The following OR52E2 variants were observed in gnomAD, a reference collection of about 807,000 sequenced individuals.
OR52E2 encodes the protein olfactory receptor family 52 subfamily E member 2, also known as olfactory receptor 52E2.
For missense variants in OR52E2, 443 were observed against 403.9 expected (o/e 1.10, Z -0.83); for synonymous variants, 130 against 143.9 (o/e 0.90, Z 0.69).
In OR52E2 at chr11:5,058,837, C is replaced by A. The variant is rs201289601; in HGVS notation, c.791G>T (p.Arg264Leu). 7 of 1,578,254 alleles carry A rather than the reference C, an allele frequency of 4.4e-6. No individual in the cohort carries two copies. The highest frequency in any genetic ancestry group is 1.2e-5 in the South Asian group (1 of 84,782). The change falls in exon 1 of 1, where the codon CGC becomes CTC. Residue 264 changes from arginine to leucine, a missense_variant. Physicochemically the swap from Arg to Leu is moderately radical, Grantham distance 102. Coordinates refer to ENST00000321522, the MANE Select transcript of OR52E2 (RefSeq NM_001005164.2). ...ATAGCGGGGCACATTTCGGCCAAAG[C>A]GATGAGTCATAAAGGAAAAGAGGGC... ...TPALFSFMTHRFGRNVPRYIH... is the reference protein window; with the variant it reads ...TPALFSFMTHLFGRNVPRYIH...
chr11:5,059,499 C>G lies in OR52E2; in HGVS notation c.129G>C (p.Gly43=). The change falls in exon 1 of 1, where the codon GGG becomes GGC. Residue 43 remains glycine (G), a synonymous_variant. Coordinates refer to ENST00000321522, the MANE Select transcript of OR52E2 (RefSeq NM_001005164.2). The part of the protein sequence containing the change: ...FCAVYMIALI[G]NFTILLVIKT... ...TGATCACAAGTAGAATAGTGAAGTT[C>G]CCTATGAGTGCGATCATGTACACAG... The G allele has an allele frequency of 6.2e-7, 1 of 1,613,962 alleles. No homozygotes were observed. The highest frequency in any genetic ancestry group is 8.5e-7 in the Non-Finnish European group (1 of 1,179,956).
rs772738027 is a variant in OR52E2, at chr11:5,058,948, A to G, written c.680T>C (p.Phe227Ser). 1.1e-5 allele frequency: 18 copies of G among 1,607,142 alleles called. No homozygotes were observed. The highest frequency in any genetic ancestry group is 1.4e-5 in the Non-Finnish European group (17 of 1,176,960). ...TCGGGCTTCATGAGTAGGAAGACGG[A>G]AAACAGCACAAAGAATATGCACATA... Reference protein sequence around the residue: ...LSYVHILCAVFRLPTHEARLK... With the variant: ...LSYVHILCAVSRLPTHEARLK... The change falls in exon 1 of 1, where the codon TTC becomes TCC. Residue 227 changes from phenylalanine to serine, a missense_variant. Physicochemically the swap from Phe to Ser is radical, Grantham distance 155. Coordinates refer to ENST00000321522, the MANE Select transcript of OR52E2 (RefSeq NM_001005164.2).
Position 5,059,272 on chromosome 11 carries a change from G to A in OR52E2, c.356C>T (p.Ala119Val). ...GGCCACATAGCTGTCATAAGCCATT[G>A]CCACAAGGACTGCTGACTCCATAAG... ...FTLMESAVLVAMAYDSYVAIC... is the reference protein window; with the variant it reads ...FTLMESAVLVVMAYDSYVAIC... Residue 119 changes from alanine to valine, a missense_variant, in exon 1 of 1, where the codon GCA becomes GTA. Physicochemically the swap from Ala to Val is moderately conservative, Grantham distance 64. Coordinates refer to ENST00000321522, the MANE Select transcript of OR52E2 (RefSeq NM_001005164.2). 6.2e-7 allele frequency: 1 copy of A among 1,613,842 alleles called. No homozygotes were observed.
Position 5,059,001 on chromosome 11 carries a change from C to T in OR52E2, c.627G>A (p.Val209=), listed in dbSNP as rs1454182993. The T allele has an allele frequency of 6.2e-7, 1 of 1,613,556 alleles. No homozygotes were observed. Among genetic ancestry groups the T allele is most frequent in the African/African-American group, 1.3e-5 (1 of 74,856 alleles). ...AAAGGGCAATGACTGTGATGTCAAA[C>T]ACTAGATTACAAATGGCACATAAAC... The part of the protein sequence containing the change: ...IYGLCAICNL[V]FDITVIALSY... Residue 209 remains valine (V), a synonymous_variant, in exon 1 of 1, where the codon GTG becomes GTA. Transcript: ENST00000321522.
chr11:5,058,656 C>T lies in OR52E2; in HGVS notation c.972G>A (p.Arg324=), dbSNP rs777287470. Residue 324 remains arginine (R), a synonymous_variant, in exon 1 of 1, where the codon AGG becomes AGA. Coordinates refer to ENST00000321522, the MANE Select transcript of OR52E2 (RefSeq NM_001005164.2). The part of the protein sequence containing the change: ...MEKEEYLIHT[R]F ...AAATTTCATAAAATTGCATTCAGAACCTCGTATGTATTAGGTACTCTTCCT... is the reference window on the plus strand; with the variant it reads ...AAATTTCATAAAATTGCATTCAGAATCTCGTATGTATTAGGTACTCTTCCT... 5 of 1,391,544 alleles carry T rather than the reference C, an allele frequency of 3.6e-6. No homozygotes were observed. The South Asian group carries it at 1.1e-4, about 32-fold the overall frequency. The allele number at this position is 1,391,544 out of a possible 1,614,324, so 86.2% of individuals were successfully genotyped here.
In OR52E2 at chr11:5,059,029, T is replaced by A. The variant is rs1290668429; in HGVS notation, c.599A>T (p.Tyr200Phe). ...SCASIKINII[Y>F]GLCAICNLVF... Reference sequence around the variant, plus strand: ...TAGATTACAAATGGCACATAAACCATAAATAATATTGATTTTGATGCTGGC... The same window carrying A: ...TAGATTACAAATGGCACATAAACCAAAAATAATATTGATTTTGATGCTGGC... Residue 200 changes from tyrosine (Y) to phenylalanine (F), a missense_variant, in exon 1 of 1, where the codon TAT (tyrosine) becomes TTT (phenylalanine). Coordinates refer to ENST00000321522, the MANE Select transcript of OR52E2 (RefSeq NM_001005164.2). 1 of 1,613,736 alleles carries A rather than the reference T, an allele frequency of 6.2e-7. No homozygotes were observed. The highest frequency in any genetic ancestry group is 2.2e-5 in the East Asian group (1 of 44,852).
In OR52E2 at chr11:5,059,511, G is replaced by C. The variant is rs767176065; in HGVS notation, c.117C>G (p.Ile39Met). Reference sequence around the variant, plus strand: ...GAATAGTGAAGTTCCCTATGAGTGCGATCATGTACACAGCACAGAAGGGAA... The same window carrying C: ...GAATAGTGAAGTTCCCTATGAGTGCCATCATGTACACAGCACAGAAGGGAA... ...IGFPFCAVYM[I>M]ALIGNFTILL... Residue 39 changes from isoleucine to methionine, a missense_variant, in exon 1 of 1, where the codon ATC (isoleucine) becomes ATG (methionine). Transcript: ENST00000321522. 1.9e-6 allele frequency: 3 copies of C among 1,613,842 alleles called. No homozygotes were observed. Among genetic ancestry groups the C allele is most frequent in the Middle Eastern group, 3.3e-4 (2 of 6,052 alleles).
In OR52E2 at chr11:5,058,766, G is replaced by T; in HGVS notation, c.862C>A (p.Leu288Ile). ...ANLYVVVPPM[L>I]NPVIYGVRTK... is the part of the protein sequence containing the mutation. Reference sequence around the variant, plus strand: ...CTGACTCCATATATGACAGGATTGAGCATTGGTGGCACCACAACATAGAGA... The same window carrying T: ...CTGACTCCATATATGACAGGATTGATCATTGGTGGCACCACAACATAGAGA... The change falls in exon 1 of 1, where the codon CTC becomes ATC. Residue 288 changes from leucine to isoleucine, a missense_variant. By Grantham distance (5) the Leu-to-Ile change is conservative. Transcript: ENST00000321522. The T allele has an allele frequency of 6.3e-7, 1 of 1,596,104 alleles. No homozygotes were observed. Among genetic ancestry groups the T allele is most frequent in the Non-Finnish European group, 8.5e-7 (1 of 1,173,750 alleles).
In OR52E2 at chr11:5,059,015, T is replaced by A. The variant is rs757483903; in HGVS notation, c.613A>T (p.Ile205Phe). The A allele has an allele frequency of 1.2e-6, 2 of 1,613,760 alleles. No individual in the cohort carries two copies. Among genetic ancestry groups the A allele is most frequent in the Non-Finnish European group, 1.7e-6 (2 of 1,179,882 alleles). The stretch of plus-strand genomic sequence containing the variant: ...GTGATGTCAAACACTAGATTACAAA[T>A]GGCACATAAACCATAAATAATATTG... ...KINIIYGLCA[I>F]CNLVFDITVI... The change falls in exon 1 of 1, where the codon ATT becomes TTT. Residue 205 changes from isoleucine (I) to phenylalanine (F), a missense_variant. Ile to Phe is a conservative substitution (Grantham distance 21). Coordinates refer to ENST00000321522, the MANE Select transcript of OR52E2 (RefSeq NM_001005164.2).
chr11:5,059,217 G>A lies in OR52E2; in HGVS notation c.411C>T (p.Ile137=), dbSNP rs756634094. 60 of 1,613,720 alleles carry A rather than the reference G, an allele frequency of 3.7e-5. 2 individuals carry two copies. In the South Asian group the frequency reaches 6.4e-4, roughly 17 times the overall value. Residue 137 remains isoleucine (I), a synonymous_variant, in exon 1 of 1, where the codon ATC becomes ATT. Transcript: ENST00000321522. ...AICNPLQYSA[I]LTNKVVSVIG... ...TCACAGAAACAACCTTGTTGGTGAGGATGGCGCTATATTGGAGTGGATTGC... is the reference window on the plus strand; with the variant it reads ...TCACAGAAACAACCTTGTTGGTGAGAATGGCGCTATATTGGAGTGGATTGC...
rs1271116203 is a variant in OR52E2 at position 5,058,719 on chromosome 11, A to G, written c.909T>C (p.Cys303=). Residue 303 remains cysteine (C), a synonymous_variant, in exon 1 of 1, where the codon TGT becomes TGC. Coordinates refer to ENST00000321522, the MANE Select transcript of OR52E2 (RefSeq NM_001005164.2). ...YGVRTKQIYK[C]VKKILLQEQG... is the part of the protein sequence containing the mutation. ...GTTCCTGCAATAATATTTTCTTCAC[A>G]CATTTATAGATCTGCTTGGTTCTGA... The G allele has an allele frequency of 6.5e-7, 1 of 1,539,842 alleles. No homozygotes were observed.
chr11:5,059,304 G>A lies in OR52E2; in HGVS notation c.324C>T (p.Asn108=), dbSNP rs756573992. ...GGACTGCTGACTCCATAAGTGTGAAGTTGTGGATAAAAAACATCTGGGTGA... is the reference window on the plus strand; with the variant it reads ...GGACTGCTGACTCCATAAGTGTGAAATTGTGGATAAAAAACATCTGGGTGA... ...ACLTQMFFIH[N]FTLMESAVLV... is the part of the protein sequence containing the mutation. The change falls in exon 1 of 1, where the codon AAC becomes AAT. Residue 108 remains asparagine (N), a synonymous_variant. Coordinates refer to ENST00000321522, the MANE Select transcript of OR52E2 (RefSeq NM_001005164.2). 2 of 1,613,780 alleles carry A rather than the reference G, an allele frequency of 1.2e-6. No homozygotes were observed. Among genetic ancestry groups the A allele is most frequent in the South Asian group, 2.2e-5 (2 of 91,028 alleles).
In OR52E2 at chr11:5,059,615, T is replaced by C. The variant is rs191045301; in HGVS notation, c.13A>G (p.Asn5Asp). 2.6e-5 allele frequency: 42 copies of C among 1,596,470 alleles called. No homozygotes were observed. The African/African-American group carries it at 5.1e-4, about 19-fold the overall frequency. The change falls in exon 1 of 1, where the codon AAT becomes GAT. Residue 5 changes from asparagine (N) to aspartate (D), a missense_variant. By Grantham distance (23) the Asn-to-Asp change is conservative. Coordinates refer to ENST00000321522, the MANE Select transcript of OR52E2 (RefSeq NM_001005164.2). ...GAGGAGGGGTGAAACTGGGTGTCATTGGGAAGGAACATCCTGCTTGTGAAT... is the reference window on the plus strand; with the variant it reads ...GAGGAGGGGTGAAACTGGGTGTCATCGGGAAGGAACATCCTGCTTGTGAAT... Reference protein sequence around the residue: MFLPNDTQFHPSSFL... With the variant: MFLPDDTQFHPSSFL...
chr11:5,059,511 G>A lies in OR52E2; in HGVS notation c.117C>T (p.Ile39=), dbSNP rs767176065. 1.2e-5 allele frequency: 19 copies of A among 1,613,718 alleles called. No homozygotes were observed. The highest frequency in any genetic ancestry group is 1.5e-5 in the Non-Finnish European group (18 of 1,179,894). The change falls in exon 1 of 1, where the codon ATC becomes ATT. Residue 39 remains isoleucine, a synonymous_variant. Transcript: ENST00000321522. ...GAATAGTGAAGTTCCCTATGAGTGCGATCATGTACACAGCACAGAAGGGAA... is the reference window on the plus strand; with the variant it reads ...GAATAGTGAAGTTCCCTATGAGTGCAATCATGTACACAGCACAGAAGGGAA... ...IGFPFCAVYM[I]ALIGNFTILL...
chr11:5,059,348 TC>T lies in OR52E2; in HGVS notation c.279del (p.Ile94SerfsTer52), dbSNP rs752365259. 21 of 1,613,510 alleles carry T rather than the reference TC, an allele frequency of 1.3e-5. No individual in the cohort carries two copies. The Admixed American group carries it at 1.7e-4, about 13-fold the overall frequency. On this transcript the variant is annotated frameshift_variant, in exon 1 of 1. Coordinates refer to ENST00000321522, the MANE Select transcript of OR52E2 (RefSeq NM_001005164.2). LOFTEE classifies it low-confidence loss of function (END_TRUNC). ...TGGGTGAGGCAGGCTTCAAAGATGATCCCTCTGAGGTTGATCCAGAAGATTC... is the reference window on the plus strand; with the variant it reads ...TGGGTGAGGCAGGCTTCAAAGATGATCCTCTGAGGTTGATCCAGAAGATTC... ...MLGIFWINLR[G>X]IIFEACLTQM...
Position 5,058,660 on chromosome 11 carries a change from G to GT in OR52E2, c.967dup (p.Thr323AsnfsTer?). On this transcript the variant is annotated frameshift_variant, in exon 1 of 1. Transcript: ENST00000321522. LOFTEE classifies it high-confidence loss of function. ...TTCATAAAATTGCATTCAGAACCTC[G>GT]TATGTATTAGGTACTCTTCCTTTTC... 7.1e-7 allele frequency: 1 copy of GT among 1,403,998 alleles called. No individual in the cohort carries two copies. The highest frequency in any genetic ancestry group is 9.3e-7 in the Non-Finnish European group (1 of 1,070,714). The allele number at this position is 1,403,998 out of a possible 1,614,324, so 87.0% of individuals were successfully genotyped here. A position where few individuals can be genotyped will look rare whatever the true frequency, so the allele number is the denominator to read the frequency against.
In OR52E2 at chr11:5,058,822, A is replaced by C. The variant is rs1847678619; in HGVS notation, c.806T>G (p.Val269Gly). ...SFMTHRFGRN[V>G]PRYIHILLAN... ...TAGGAGTATATGGATATAGCGGGGC[A>C]CATTTCGGCCAAAGCGATGAGTCAT... The change falls in exon 1 of 1, where the codon GTG becomes GGG. Residue 269 changes from valine (V) to glycine (G), a missense_variant. By Grantham distance (109) the Val-to-Gly change is moderately radical. Coordinates refer to ENST00000321522, the MANE Select transcript of OR52E2 (RefSeq NM_001005164.2). 6.3e-7 allele frequency: 1 copy of C among 1,584,218 alleles called. No homozygotes were observed. Among genetic ancestry groups the C allele is most frequent in the Non-Finnish European group, 8.6e-7 (1 of 1,168,884 alleles).
chr11:5,059,170 C>G lies in OR52E2; in HGVS notation c.458G>C (p.Arg153Thr). Reference sequence around the variant, plus strand: ...AGAGGGAATGACGAAAATTAAAGCCCTCACAAACACACCAAGACCAATCAC... The same window carrying G: ...AGAGGGAATGACGAAAATTAAAGCCGTCACAAACACACCAAGACCAATCAC... ...VSVIGLGVFV[R>T]ALIFVIPSIL... The change falls in exon 1 of 1, where the codon AGG (arginine) becomes ACG (threonine). Residue 153 changes from arginine to threonine, a missense_variant. Coordinates refer to ENST00000321522, the MANE Select transcript of OR52E2 (RefSeq NM_001005164.2). 6.2e-7 allele frequency: 1 copy of G among 1,613,622 alleles called. No individual in the cohort carries two copies. Among genetic ancestry groups the G allele is most frequent in the Non-Finnish European group, 8.5e-7 (1 of 1,179,858 alleles).
chr11:5,058,840 T>A lies in OR52E2; in HGVS notation c.788A>T (p.His263Leu), dbSNP rs201472358. Residue 263 changes from histidine (H) to leucine (L), a missense_variant, in exon 1 of 1, where the codon CAT becomes CTT. His to Leu is a moderately conservative substitution (Grantham distance 99). Coordinates refer to ENST00000321522, the MANE Select transcript of OR52E2 (RefSeq NM_001005164.2). ...GCGGGGCACATTTCGGCCAAAGCGATGAGTCATAAAGGAAAAGAGGGCTGG... is the reference window on the plus strand; with the variant it reads ...GCGGGGCACATTTCGGCCAAAGCGAAGAGTCATAAAGGAAAAGAGGGCTGG... ...YTPALFSFMT[H>L]RFGRNVPRYI... 4.0e-5 allele frequency: 63 copies of A among 1,574,286 alleles called. 1 individual carries two copies. The East Asian group carries it at 9.6e-4, about 24-fold the overall frequency.
Sources: allele counts gnomAD v4.1 joint callset, GRCh38; gene constraint gnomAD v4.1.1; transcripts MANE v1.5; gene names NCBI Gene and HGNC (gene_info 2026-07-23, HGNC 2026-07-21).